IL1RAPL2: variants seen among roughly 807,000 people sequenced by gnomAD.
The protein encoded by IL1RAPL2 is X-linked interleukin-1 receptor accessory protein-like 2.
IL1RAPL2 carries 3 observed loss-of-function variants against 44.1 expected under a neutral mutation model. That is an observed-to-expected ratio of 0.07 (90% CI 0.03 to 0.18). The LOEUF (loss-of-function observed/expected upper bound fraction) is 0.18. Among genes scored for constraint, IL1RAPL2 ranks in the 10% least tolerant of loss-of-function variants. The pLI is 1.00. For missense variants in IL1RAPL2, 391 were observed against 496.4 expected, an observed-to-expected ratio of 0.79 and a Z score of 2.02; for synonymous variants, 181 against 178.8, an observed-to-expected ratio of 1.01 and a Z score of -0.10.
At position 104,566,380 on chromosome X, in the gene IL1RAPL2, G is replaced by A. The variant is rs1928030152; in HGVS notation, c.-691G>A. The A allele has an allele frequency of 8.8e-6, 1 of 113,017 alleles. No homozygotes were observed. Among genetic ancestry groups the A allele is most frequent in the African/African-American group, 3.2e-5 (1 of 31,115 alleles). 9.3% of individuals were successfully genotyped at this position (113,017 alleles called of 1,213,427 possible). ...CTTCGGAACTAAGGGAGACTTGTGGGCTTTTGCACACTGGCTGTAGGGTTC... is the reference window on the plus strand; with the variant it reads ...CTTCGGAACTAAGGGAGACTTGTGGACTTTTGCACACTGGCTGTAGGGTTC... On this transcript the variant is annotated 5_prime_UTR_variant, in exon 1 of 11. Coordinates refer to ENST00000372582, the MANE Select transcript of IL1RAPL2 (RefSeq NM_017416.2).
chrX:104,861,886 T>C (rs1377606405), intron 2 of IL1RAPL2, among the ~76,000 whole-genome samples: 11 of 111,656 alleles, frequency 9.9e-5, no homozygotes, highest in Admixed American at 1.9e-4. Flanking sequence ...ATTGAATCTG[T>C]GGATGCAGAA....
At chrX:105,659,453 C>A (rs1446374319) in intron 6 of IL1RAPL2, among the ~76,000 whole-genome samples, 2 of 109,620 alleles carry the variant, frequency 1.8e-5, no homozygotes, top group Admixed American at 9.7e-5. Flanking sequence ...GTCAGCAGAT[C>A]GAGACCATCC....
Position 105,082,277 on chromosome X carries a change from T to G in IL1RAPL2, c.83-113198T>G, listed in dbSNP as rs140396136. Among the ~76,000 whole-genome samples, 514 of 112,260 alleles carry G rather than the reference T, an allele frequency of 4.6e-3. 4 individuals carry two copies. The highest frequency in any genetic ancestry group is 6.4e-3 in the Non-Finnish European group (343 of 53,284). On this transcript the variant is annotated intron_variant, in intron 2 of 10. Transcript: ENST00000372582. ...TTTATTTGCATAGAGGTGTTCATAG[T>G]ATTCTCTGATGGTAGTTTGTATTTC... is the stretch of plus-strand genomic sequence containing the variant.
At chrX:105,280,593 A>C (rs2213376) in intron 5 of IL1RAPL2, among the ~76,000 whole-genome samples, 28,455 of 109,868 alleles carry the variant, frequency 0.26, 7,779 homozygotes, top group African/African-American at 0.83. Context: ...GAAAAAAAAA[A>C]CGCATCAAAA....
At chrX:104,798,503 A>C (rs1278668567) in intron 2 of IL1RAPL2, among the ~76,000 whole-genome samples, 38 of 106,568 alleles carry the variant, frequency 3.6e-4, no homozygotes, top group Non-Finnish European at 6.2e-4. Flanking sequence ...CTAAAAATAA[A>C]AAAAAAAAAA....
At chrX:105,347,286 A>G (rs2035117853) in intron 5 of IL1RAPL2, among the ~76,000 whole-genome samples, 1 of 111,394 alleles carries the variant, frequency 9.0e-6, no homozygotes, top group Non-Finnish European at 1.9e-5. Flanking sequence ...GTCAGGCAGA[A>G]TTGGGCGTGA....
chrX:105,311,008 G>A (rs1426663820), intron 5 of IL1RAPL2, among the ~76,000 whole-genome samples: 1 of 111,379 alleles, frequency 9.0e-6, no homozygotes, highest in Admixed American at 9.6e-5. Context: ...ATTAGGTGTA[G>A]ATACATTTAT....
chrX:105,758,409 A>ATCTCTCTCTCTC (rs59823277), intron 10 of IL1RAPL2, among the ~76,000 whole-genome samples: 12 of 102,399 alleles, frequency 1.2e-4, no homozygotes, highest in African/African-American at 4.4e-4. Flanking sequence ...GTACATGAAA[A>ATCTCTCTCTCTC]TCTCTCTCTC....
intron 2 of IL1RAPL2, among the ~76,000 whole-genome samples, chrX:104,951,407 A>T (rs928904814): frequency 2.7e-5 from 3 of 112,188 alleles, no homozygotes; most frequent in African/African-American, 9.7e-5. Flanking sequence ...AAATTTTGAG[A>T]TTCTATTTTT....
At chrX:105,171,726 G>A (rs954221988) in intron 2 of IL1RAPL2, among the ~76,000 whole-genome samples, 7 of 107,882 alleles carry the variant, frequency 6.5e-5, no homozygotes, top group African/African-American at 2.4e-4. Flanking sequence ...TGGGAGGGTG[G>A]TGGGGGTGGG....
At chrX:105,085,029 T>A (rs1354133724) in intron 2 of IL1RAPL2, among the ~76,000 whole-genome samples, 1 of 112,077 alleles carries the variant, frequency 8.9e-6, no homozygotes, top group African/African-American at 3.2e-5. Flanking sequence ...GCCTGCTTTC[T>A]CTTCCACCAT....
intron 5 of IL1RAPL2, among the ~76,000 whole-genome samples, chrX:105,286,590 C>T (rs945298709): frequency 3.0e-5 from 3 of 98,574 alleles, no homozygotes; most frequent in African/African-American, 1.3e-4. Flanking sequence ...AGTAAGACAA[C>T]GATAGAACAA....
At chrX:105,363,306 A>AT (rs1569429187) in intron 5 of IL1RAPL2, among the ~76,000 whole-genome samples, 21 of 75,532 alleles carry the variant, frequency 2.8e-4, no homozygotes, top group African/African-American at 2.3e-3. Context: ...ATATATATAT[A>AT]TAATATATAT....
chrX:105,407,219 CT>C (rs762922142), intron 5 of IL1RAPL2, among the ~76,000 whole-genome samples: 3 of 109,773 alleles, frequency 2.7e-5, no homozygotes, highest in East Asian at 2.9e-4. Context: ...AAAAAACTGA[CT>C]TTTTTTCCAT....
chrX:104,676,639 A>G (rs955846158), intron 2 of IL1RAPL2, among the ~76,000 whole-genome samples: 24 of 111,430 alleles, frequency 2.2e-4, no homozygotes, highest in African/African-American at 5.2e-4. Flanking sequence ...GAATCTGAAC[A>G]TTGGCCTGCC....
At chrX:105,041,162 G>A (rs1343492199) in intron 2 of IL1RAPL2, among the ~76,000 whole-genome samples, 1 of 110,393 alleles carries the variant, frequency 9.1e-6, no homozygotes, top group Non-Finnish European at 1.9e-5. Context: ...GGAGCAGGTT[G>A]TTCAGTTTCC....
At chrX:104,738,539 G>T (rs940107932) in intron 2 of IL1RAPL2, among the ~76,000 whole-genome samples, 2 of 112,215 alleles carry the variant, frequency 1.8e-5, no homozygotes, top group African/African-American at 6.5e-5. Flanking sequence ...TGAGTAGGTA[G>T]ACAGAGGAAA....
At chrX:105,521,910 G>T (rs898988088) in intron 6 of IL1RAPL2, among the ~76,000 whole-genome samples, 1 of 111,953 alleles carries the variant, frequency 8.9e-6, no homozygotes, top group Non-Finnish European at 1.9e-5. Flanking sequence ...TACATACATG[G>T]CTTGGGAAAA....
intron 5 of IL1RAPL2, among the ~76,000 whole-genome samples, chrX:105,478,362 T>A (rs1157709471): frequency 2.7e-5 from 3 of 110,975 alleles, no homozygotes; most frequent in African/African-American, 9.8e-5. Context: ...TAGTGAATGT[T>A]ATCTCGCTGA....
Sources: gnomAD v4.1 joint callset for allele counts (sites outside exome capture counted in the v4.1 genomes callset) on GRCh38, gnomAD v4.1.1 for gene constraint, MANE v1.5 for transcripts, NCBI Gene and HGNC (gene_info 2026-07-23, HGNC 2026-07-21) for gene names.